Variants in TENM3 observed in about 807,000 individuals in gnomAD.
The protein encoded by TENM3 is teneurin-3.
Under a neutral mutation model 255.1 loss-of-function variants are expected in TENM3, and 63 were observed. The observed-to-expected ratio is 0.25, with a 90% CI of 0.20 to 0.30. The LOEUF is 0.30. Ranked by LOEUF, TENM3 falls within the 10% of genes least tolerant of loss-of-function variation. TENM3 has a pLI of 1.00. For synonymous variants in TENM3, 1,306 were observed against 1,322.3 expected, an observed-to-expected ratio of 0.99 and a Z score of 0.27; for missense variants, 2,929 against 3,461.1, an observed-to-expected ratio of 0.85 and a Z score of 3.86.
At chr4:181,604,833 C>T in the TENM3 span, among the ~76,000 whole-genome samples, 1 of 152,140 alleles carries the variant, frequency 6.6e-6, no homozygotes. Context: ...GTGAAAATGT[C>T]CTAGCTGGCA....
the TENM3 span, among the ~76,000 whole-genome samples, chr4:181,525,752 G>A: frequency 6.6e-6 from 1 of 152,182 alleles, no homozygotes; most frequent in Non-Finnish European, 1.5e-5. Context: ...CTCAAATGTA[G>A]CAGTCAAGAG....
intron 2 of TENM3, among the ~76,000 whole-genome samples, chr4:182,346,324 A>T (rs1468048033): frequency 1.3e-5 from 2 of 152,138 alleles, no homozygotes; most frequent in African/African-American, 4.8e-5. Context: ...CAAGTCTGCT[A>T]AACAAAATTC....
chr4:182,663,801 G>A (rs910038954), intron 6 of TENM3, among the ~76,000 whole-genome samples: 1 of 141,548 alleles, frequency 7.1e-6, no homozygotes, highest in Non-Finnish European at 1.5e-5. Context: ...TAAGCTGCCA[G>A]TTCTATCACA....
At chr4:181,695,068 G>A in the TENM3 span, among the ~76,000 whole-genome samples, 1 of 152,266 alleles carries the variant, frequency 6.6e-6, no homozygotes, top group South Asian at 2.1e-4. Flanking sequence ...TATAAAGTAT[G>A]ATAAAATGGT....
At chr4:182,424,933 T>C (rs1771095902) in intron 3 of TENM3, among the ~76,000 whole-genome samples, 1 of 152,192 alleles carries the variant, frequency 6.6e-6, no homozygotes, top group South Asian at 2.1e-4. Flanking sequence ...TATAGAACTA[T>C]TACGTAAAAA....
At chr4:182,278,626 A>T (rs1760163789) in intron 1 of TENM3, among the ~76,000 whole-genome samples, 1 of 151,118 alleles carries the variant, frequency 6.6e-6, no homozygotes, top group Admixed American at 6.6e-5. Context: ...CCACTGGCTT[A>T]TCACATGCCC....
chr4:181,808,212 A>G, the TENM3 span, among the ~76,000 whole-genome samples: 12 of 152,308 alleles, frequency 7.9e-5, no homozygotes, highest in African/African-American at 1.9e-4. Flanking sequence ...TGCCACCTAC[A>G]TTGCAGCGAG....
At chr4:181,720,146 C>A in the TENM3 span, among the ~76,000 whole-genome samples, 6 of 152,120 alleles carry the variant, frequency 3.9e-5, no homozygotes, top group African/African-American at 1.4e-4. Context: ...ACTTCAAAAT[C>A]AGTATTTCAT....
At chr4:181,655,784 G>A in the TENM3 span, among the ~76,000 whole-genome samples, 3 of 152,180 alleles carry the variant, frequency 2.0e-5, no homozygotes, top group Non-Finnish European at 2.9e-5. Flanking sequence ...GTCCAGAAGC[G>A]ATAAAGTACA....
chr4:182,112,033 T>C, the TENM3 span, among the ~76,000 whole-genome samples: 3 of 152,142 alleles, frequency 2.0e-5, no homozygotes, highest in African/African-American at 7.2e-5. Flanking sequence ...CTCACACTTG[T>C]AATCCCACGG....
intron 1 of TENM3, among the ~76,000 whole-genome samples, chr4:182,161,433 A>T (rs1429323978): frequency 7.3e-6 from 1 of 136,702 alleles, no homozygotes; most frequent in African/African-American, 2.7e-5. Flanking sequence ...AAAAAAAAAA[A>T]AAAATTAGCT....
chr4:182,169,375 C>A, intron 1 of TENM3: 1 of 455,038 alleles, frequency 2.2e-6, no homozygotes, highest in Non-Finnish European at 4.5e-6. Flanking sequence ...CAGCAGGATT[C>A]TCCCAAAAAT....
chr4:182,715,126 C>T (rs754365009), intron 13 of TENM3, among the ~76,000 whole-genome samples: 4 of 152,202 alleles, frequency 2.6e-5, no homozygotes, highest in African/African-American at 4.8e-5. Context: ...TCAGGTGATC[C>T]GCCCACCTCG....
Position 182,680,618 on chromosome 4 carries a change from G to GCAC in TENM3, c.1717_1719dup (p.Thr573dup), listed in dbSNP as rs761808407. 3.6e-5 allele frequency: 58 copies of GCAC among 1,613,688 alleles called. No homozygotes were observed. The highest frequency in any genetic ancestry group is 4.2e-5 in the Non-Finnish European group (50 of 1,179,856). On this transcript the variant is annotated inframe_insertion, in exon 10 of 28. Coordinates refer to ENST00000511685, the MANE Select transcript of TENM3 (RefSeq NM_001080477.4). ...TGCCTGTGTTTCAGCGGCTGGAAGG[G>GCAC]CACCGAGTGTGATGTGCCGACTACC... is the stretch of plus-strand genomic sequence containing the variant.
At chr4:181,901,234 G>C in the TENM3 span, among the ~76,000 whole-genome samples, 5 of 152,108 alleles carry the variant, frequency 3.3e-5, no homozygotes. Context: ...TTACTGGATG[G>C]AATCACATGG....
In TENM3 at chr4:182,680,343, T is replaced by A. The variant is rs1756052363; in HGVS notation, c.1633T>A (p.Ser545Thr). The change falls in exon 9 of 28, where the codon TCA (serine) becomes ACA (threonine). Residue 545 changes from serine (S) to threonine (T), a missense_variant. Physicochemically the swap from Ser to Thr is moderately conservative, Grantham distance 58. Coordinates refer to ENST00000511685, the MANE Select transcript of TENM3 (RefSeq NM_001080477.4). Reference protein sequence around the residue: ...CFPGFLGPDCSRAACPVLCSG... With the variant: ...CFPGFLGPDCTRAACPVLCSG... ...TCCAGGATTTCTGGGTCCGGATTGT[T>A]CAAGAGGTATGCAAGTTAGATTCTT... 2 of 1,604,076 alleles carry A rather than the reference T, an allele frequency of 1.2e-6. No homozygotes were observed. Among genetic ancestry groups the A allele is most frequent in the African/African-American group, 1.3e-5 (1 of 74,568 alleles).
At chr4:182,358,736 C>A (rs1382611817) in intron 3 of TENM3, among the ~76,000 whole-genome samples, 1 of 146,668 alleles carries the variant, frequency 6.8e-6, no homozygotes, top group Non-Finnish European at 1.5e-5. Flanking sequence ...ATTGCCCTGG[C>A]CAGAACTTCC....
chr4:182,063,863 G>T, the TENM3 span, among the ~76,000 whole-genome samples: 4 of 152,124 alleles, frequency 2.6e-5, no homozygotes, highest in African/African-American at 9.7e-5. Context: ...GACTCTTCCA[G>T]GCCAGAGTAT....
intron 1 of TENM3, among the ~76,000 whole-genome samples, chr4:182,202,096 C>T (rs752367971): frequency 2.4e-4 from 36 of 152,242 alleles, no homozygotes; most frequent in East Asian, 3.9e-4. Context: ...GGGCCTGTCC[C>T]TGTGCCAATG....
Sources: gnomAD v4.1 joint callset for allele counts (sites outside exome capture counted in the v4.1 genomes callset) on GRCh38, gnomAD v4.1.1 for gene constraint, MANE v1.5 for transcripts, NCBI Gene and HGNC (gene_info 2026-07-23, HGNC 2026-07-21) for gene names.